Variants in DLG2 observed in about 807,000 individuals in gnomAD.
The protein encoded by DLG2 is disks large homolog 2.
Under a neutral mutation model 132.5 loss-of-function variants are expected in DLG2, and 45 were observed. That is an observed-to-expected ratio of 0.34 (90% confidence interval 0.27 to 0.44). DLG2 has a LOEUF of 0.44. DLG2 is among the 20% of genes least tolerant of loss of function. DLG2 has a pLI of 1.00. For missense variants in DLG2, 1,045 were observed against 1,196.9 expected (o/e 0.87, Z 1.87); for synonymous variants, 424 against 419.6 (o/e 1.01, Z -0.13).
chr11:84,784,383 A>G (rs922992339), intron 6 of DLG2, among the ~76,000 whole-genome samples: 7 of 150,976 alleles, frequency 4.6e-5, no homozygotes, highest in Non-Finnish European at 1.0e-4. Flanking sequence ...ACAAGAGTAT[A>G]GAACATAAAA....
Position 83,699,558 on chromosome 11 carries a change from A to C in DLG2, c.1826-66233T>G, listed in dbSNP as rs536210937. 4.1e-3 allele frequency among the ~76,000 whole-genome samples: 613 copies of C among 150,430 alleles called. 4 individuals are homozygous for C. Among genetic ancestry groups the C allele is most frequent in the African/African-American group, 0.014 (569 of 41,128 alleles). On this transcript the variant is annotated intron_variant, in intron 18 of 27. Coordinates refer to ENST00000376104, the MANE Select transcript of DLG2 (RefSeq NM_001142699.3). The stretch of plus-strand genomic sequence containing the variant: ...AAAAATACAAAAGAAAAAAAAAAAA[A>C]AACTAGCCGGGCGTGGTGGTGGGTG...
chr11:85,076,695 T>C (rs1206093286), intron 6 of DLG2, among the ~76,000 whole-genome samples: 3 of 152,098 alleles, frequency 2.0e-5, no homozygotes, highest in African/African-American at 4.8e-5. Context: ...GGCAGGCACA[T>C]GTACATAAAA....
intron 16 of DLG2, among the ~76,000 whole-genome samples, chr11:83,842,246 G>A (rs1488632586): frequency 6.6e-6 from 1 of 152,114 alleles, no homozygotes; most frequent in Non-Finnish European, 1.5e-5. Flanking sequence ...GAGAAAGGAG[G>A]TGCTGTAGGC....
intron 3 of DLG2, among the ~76,000 whole-genome samples, chr11:85,500,945 G>A (rs1220103699): frequency 2.6e-5 from 4 of 152,152 alleles, no homozygotes; most frequent in Non-Finnish European, 5.9e-5. Context: ...AACCATAAAA[G>A]AGCTCCCATA....
intron 11 of DLG2, among the ~76,000 whole-genome samples, chr11:84,016,271 G>C (rs2095178669): frequency 6.6e-6 from 1 of 152,004 alleles, no homozygotes; most frequent in African/African-American, 2.4e-5. Flanking sequence ...ACAGATACTG[G>C]ATATTAGAGC....
Position 83,760,358 on chromosome 11 carries a change from G to A in DLG2, c.1825+26332C>T, listed in dbSNP as rs552498910. Among the ~76,000 whole-genome samples the A allele has an allele frequency of 7.2e-5, 11 of 152,296 alleles. No individual in the cohort carries two copies. The South Asian group carries it at 2.3e-3, about 32-fold the overall frequency. Reference sequence around the variant, plus strand: ...GCTGGATCAACTGGATCACTTAGCTGCATAGTGCAAAAGCTGAGACCAAGT... The same window carrying A: ...GCTGGATCAACTGGATCACTTAGCTACATAGTGCAAAAGCTGAGACCAAGT... On this transcript the variant is annotated intron_variant, in intron 18 of 27. Coordinates refer to ENST00000376104, the MANE Select transcript of DLG2 (RefSeq NM_001142699.3).
At chr11:84,508,595 T>C (rs912575881) in intron 7 of DLG2, among the ~76,000 whole-genome samples, 1 of 151,976 alleles carries the variant, frequency 6.6e-6, no homozygotes, top group Admixed American at 6.6e-5. Flanking sequence ...AGACAGGGTT[T>C]CACCGTGTTG....
chr11:84,513,330 G>C (rs890563665), intron 7 of DLG2, among the ~76,000 whole-genome samples: 1 of 151,634 alleles, frequency 6.6e-6, no homozygotes, highest in Non-Finnish European at 1.5e-5. Flanking sequence ...ATAGAAAAAA[G>C]ACAATCCTAA....
chr11:84,185,347 T>C (rs1325027799), intron 8 of DLG2, among the ~76,000 whole-genome samples: 1 of 152,076 alleles, frequency 6.6e-6, no homozygotes, highest in Non-Finnish European at 1.5e-5. Flanking sequence ...TGAATGGGAG[T>C]TCACTCATGA....
At chr11:83,795,976 C>T (rs1353542383) in intron 17 of DLG2, among the ~76,000 whole-genome samples, 2 of 152,180 alleles carry the variant, frequency 1.3e-5, no homozygotes, top group Admixed American at 6.5e-5. Flanking sequence ...TCACTCTTTC[C>T]TCATCTGGAA....
At chr11:84,539,338 T>C (rs762852803) in intron 6 of DLG2, among the ~76,000 whole-genome samples, 4 of 152,168 alleles carry the variant, frequency 2.6e-5, no homozygotes, top group Non-Finnish European at 5.9e-5. Flanking sequence ...GGAAATAAAA[T>C]TTTTAGGAAA....
At chr11:85,593,955 C>A (rs1194648528) in intron 3 of DLG2, among the ~76,000 whole-genome samples, 1 of 151,706 alleles carries the variant, frequency 6.6e-6, no homozygotes, top group Admixed American at 6.6e-5. Context: ...CTGTTGTATC[C>A]CTATTGCATA....
At chr11:85,540,939 A>T (rs1005075687) in intron 3 of DLG2, among the ~76,000 whole-genome samples, 1 of 152,254 alleles carries the variant, frequency 6.6e-6, no homozygotes, top group Non-Finnish European at 1.5e-5. Flanking sequence ...ATAGTTGGAA[A>T]ACAACTTTTG....
At chr11:84,747,929 G>A (rs1424700413) in intron 6 of DLG2, among the ~76,000 whole-genome samples, 1 of 152,178 alleles carries the variant, frequency 6.6e-6, no homozygotes, top group Non-Finnish European at 1.5e-5. Context: ...CCACTTATCT[G>A]CACTTCTAGA....
intron 5 of DLG2, among the ~76,000 whole-genome samples, chr11:85,123,011 T>G (rs1339888417): frequency 2.5e-5 from 3 of 122,378 alleles, no homozygotes; most frequent in African/African-American, 9.5e-5. Flanking sequence ...AGAGTCTCGC[T>G]CTGTCGCCCA....
At chr11:83,924,841 C>T (rs937199141) in intron 15 of DLG2, among the ~76,000 whole-genome samples, 1 of 152,094 alleles carries the variant, frequency 6.6e-6, no homozygotes, top group Non-Finnish European at 1.5e-5. Flanking sequence ...TGTGGATTCT[C>T]TGAGCCCAGC....
At chr11:84,304,664 T>A (rs1347136499) in intron 7 of DLG2, among the ~76,000 whole-genome samples, 1 of 152,238 alleles carries the variant, frequency 6.6e-6, no homozygotes, top group Non-Finnish European at 1.5e-5. Context: ...TGTGTTCTAA[T>A]AAAATTTATT....
At chr11:83,869,991 A>G (rs186788249) in intron 16 of DLG2, among the ~76,000 whole-genome samples, 3 of 152,184 alleles carry the variant, frequency 2.0e-5, no homozygotes, top group Non-Finnish European at 4.4e-5. Context: ...AAATGCTTCT[A>G]GGTTTTTGCA....
chr11:83,519,692 C>G (rs2095414319), intron 21 of DLG2, among the ~76,000 whole-genome samples: 1 of 152,166 alleles, frequency 6.6e-6, no homozygotes, highest in Non-Finnish European at 1.5e-5. Flanking sequence ...AAATACTAAT[C>G]AAAGTCAAAT....
Sources: gnomAD v4.1 joint callset for allele counts (sites outside exome capture counted in the v4.1 genomes callset) on GRCh38, gnomAD v4.1.1 for gene constraint, MANE v1.5 for transcripts, NCBI Gene and HGNC (gene_info 2026-07-23, HGNC 2026-07-21) for gene names.